CLEC1A: variants seen among roughly 807,000 people sequenced by gnomAD.
CLEC1A encodes C-type lectin-like receptor-1.
In CLEC1A, 34 loss-of-function variants were observed where a neutral mutation model predicts 28.7. The observed-to-expected ratio is 1.18, with a 90% CI of 0.90 to 1.57. The LOEUF is 1.57. CLEC1A is among the 40% of genes most tolerant of loss of function. The probability of loss-of-function intolerance (pLI) is 0.00; values close to 1 mark genes in which losing one functional copy is unlikely to be tolerated. For missense variants in CLEC1A, 385 were observed against 339.5 expected, an observed-to-expected ratio of 1.13 and a Z score of -1.05; for synonymous variants, 116 against 121.0, an observed-to-expected ratio of 0.96 and a Z score of 0.27.
chr12:10,073,226 G>A, intron 5 of CLEC1A, 67 bp downstream of exon 5: 1 of 1,168,562 alleles, frequency 8.6e-7, no homozygotes, highest in Non-Finnish European at 1.3e-6. Context: ...CCAAATTCTT[G>A]AGCTCTATCA....
At chr12:10,073,680 T>C (rs1031402529) in intron 4 of CLEC1A, among the ~76,000 whole-genome samples, 2 of 152,150 alleles carry the variant, frequency 1.3e-5, no homozygotes, top group African/African-American at 4.8e-5. Context: ...TCCTGACCCA[T>C]GGCTTTTAAG....
chr12:10,071,992 T>C (rs1866145478), intron 5 of CLEC1A, among the ~76,000 whole-genome samples: 1 of 152,190 alleles, frequency 6.6e-6, no homozygotes, highest in African/African-American at 2.4e-5. Context: ...TTTGGATGTG[T>C]GTTCTTTCCA....
chr12:10,091,046 C>T (rs1947697323), intron 1 of CLEC1A, among the ~76,000 whole-genome samples: 1 of 152,224 alleles, frequency 6.6e-6, no homozygotes, highest in South Asian at 2.1e-4. Context: ...ATCAGCCCTA[C>T]TTCTGCCTCT....
rs142792604 is a variant in CLEC1A, at chr12:10,080,955, T to C, written c.391+282A>G. Among the ~76,000 whole-genome samples the C allele has an allele frequency of 1.9e-3, 296 of 152,350 alleles. 2 individuals carry two copies. Among genetic ancestry groups the C allele is most frequent in the African/African-American group, 6.6e-3 (276 of 41,590 alleles). ...ACATTTGCCGAGGTAAATTGAGACA[T>C]ACCCCTGTATTTTCTTTACTCGTAG... is the stretch of plus-strand genomic sequence containing the variant. On this transcript the variant is annotated intron_variant, in intron 3 of 5. Transcript: ENST00000315330.
intron 4 of CLEC1A, among the ~76,000 whole-genome samples, chr12:10,074,091 G>A (rs1428180254): frequency 6.6e-6 from 1 of 152,128 alleles, no homozygotes; most frequent in Non-Finnish European, 1.5e-5. Flanking sequence ...GTCTCACTCT[G>A]TTGCCCAGGC....
intron 2 of CLEC1A, among the ~76,000 whole-genome samples, chr12:10,087,419 C>A (rs189890394): frequency 0.026 from 3,513 of 137,228 alleles, 148 homozygotes; most frequent in African/African-American, 0.091. Context: ...TCCAGCATTC[C>A]TTTATGATTA....
chr12:10,097,883 A>G (rs1445191207), intron 1 of CLEC1A, among the ~76,000 whole-genome samples: 4 of 133,496 alleles, frequency 3.0e-5, no homozygotes, highest in Admixed American at 2.3e-4. Context: ...GAAATCCCCA[A>G]TGTCCCTTAA....
intron 3 of CLEC1A, among the ~76,000 whole-genome samples, chr12:10,078,396 T>C (rs1046253247): frequency 1.3e-5 from 2 of 152,246 alleles, no homozygotes; most frequent in African/African-American, 2.4e-5. Flanking sequence ...TTTTGTTTCC[T>C]GTTTTAACTT....
intron 5 of CLEC1A, among the ~76,000 whole-genome samples, chr12:10,071,741 C>G (rs991326425): frequency 6.6e-6 from 1 of 152,168 alleles, no homozygotes; most frequent in African/African-American, 2.4e-5. Flanking sequence ...TAAAGCGAAG[C>G]TACGTGTTCT....
chr12:10,071,386 C>A lies in CLEC1A; in HGVS notation c.790G>T (p.Val264Leu). The change falls in exon 6 of 6, where the codon GTG (valine) becomes TTG (leucine). Residue 264 changes from valine (V) to leucine (L), a missense_variant. Coordinates refer to ENST00000315330, the MANE Select transcript of CLEC1A (RefSeq NM_016511.4). ...RCVCERRAGMVKPESLHVPPE... is the reference protein window; with the variant it reads ...RCVCERRAGMLKPESLHVPPE... ...GGGACATGGAGGCTCTCTGGCTTCA[C>A]CATTCCTGCCCTTCTCTCACAGACA... The A allele has an allele frequency of 1.9e-6, 3 of 1,613,960 alleles. No homozygotes were observed. Among genetic ancestry groups the A allele is most frequent in the Non-Finnish European group, 2.5e-6 (3 of 1,179,874 alleles).
chr12:10,082,019 C>G (rs1317037270), intron 2 of CLEC1A, among the ~76,000 whole-genome samples: 1 of 152,178 alleles, frequency 6.6e-6, no homozygotes, highest in Non-Finnish European at 1.5e-5. Context: ...AGCTCAAGCC[C>G]AGGGAAGCCA....
intron 4 of CLEC1A, among the ~76,000 whole-genome samples, chr12:10,074,082 T>C (rs565405257): frequency 1.3e-5 from 2 of 152,296 alleles, no homozygotes; most frequent in East Asian, 3.9e-4. Context: ...GGCGACAGGG[T>C]CTCACTCTGT....
At chr12:10,077,480 C>T (rs1748363761) in intron 3 of CLEC1A, among the ~76,000 whole-genome samples, 1 of 152,046 alleles carries the variant, frequency 6.6e-6, no homozygotes, top group East Asian at 1.9e-4. Context: ...GCCGGAAAAA[C>T]GGGTGGACTG....
chr12:10,073,494 T>C (rs144647332), intron 4 of CLEC1A, 83 bp from the exon 5 acceptor site: 1 of 955,746 alleles, frequency 1.0e-6, no homozygotes, highest in East Asian at 2.4e-5. Context: ...AGCCAGCACT[T>C]TTCTCAAAGC....
At chr12:10,094,434 A>G (rs1947750337) in intron 1 of CLEC1A, among the ~76,000 whole-genome samples, 1 of 152,066 alleles carries the variant, frequency 6.6e-6, no homozygotes, top group Non-Finnish European at 1.5e-5. Flanking sequence ...ATGTCTTTAT[A>G]TAGAATGATT....
intron 1 of CLEC1A, among the ~76,000 whole-genome samples, chr12:10,094,895 T>G (rs4764249): frequency 6.6e-6 from 1 of 152,008 alleles, no homozygotes; most frequent in Non-Finnish European, 1.5e-5. Flanking sequence ...GGATCCCATT[T>G]TACTTCTTAG....
intron 5 of CLEC1A, among the ~76,000 whole-genome samples, chr12:10,072,392 A>G (rs919924921): frequency 5.3e-5 from 8 of 152,224 alleles, no homozygotes; most frequent in Non-Finnish European, 1.2e-4. Context: ...TAACACAGAT[A>G]CCATATGTAC....
intron 2 of CLEC1A, among the ~76,000 whole-genome samples, chr12:10,085,443 G>A (rs1392918899): frequency 6.6e-6 from 1 of 150,594 alleles, no homozygotes; most frequent in Non-Finnish European, 1.5e-5. Flanking sequence ...AAGGTAAAGA[G>A]GTGGAAAAAG....
intron 2 of CLEC1A, 87 bp from the exon 3 acceptor site, chr12:10,081,500 T>C (rs1866371127): frequency 9.1e-7 from 1 of 1,104,468 alleles, no homozygotes; most frequent in Non-Finnish European, 1.3e-6. Context: ...AAACAGTATA[T>C]TTTTTAGTAT....
Sources: gnomAD v4.1 joint callset for allele counts (sites outside exome capture counted in the v4.1 genomes callset) on GRCh38, gnomAD v4.1.1 for gene constraint, MANE v1.5 for transcripts, NCBI Gene and HGNC (gene_info 2026-07-23, HGNC 2026-07-21) for gene names.